The following AOPEP variants were observed in gnomAD, a reference collection of about 807,000 sequenced individuals.
AOPEP encodes the protein aminopeptidase O.
In AOPEP, 77 loss-of-function variants were observed where a neutral mutation model predicts 98.1. The ratio of observed to expected loss-of-function variants is 0.78; its 90% CI spans 0.65 to 0.95. The LOEUF (loss-of-function observed/expected upper bound fraction) is 0.95. AOPEP is among the 40% of genes least tolerant of loss of function. AOPEP has a pLI of 0.00. For missense variants in AOPEP, 1,024 were observed against 1,024.7 expected (o/e 1.00, Z 0.01); for synonymous variants, 346 against 365.3 (o/e 0.95, Z 0.60).
Position 94,849,786 on chromosome 9 carries a change from G to A in AOPEP, c.1364+48784G>A, listed in dbSNP as rs544591084. Among the ~76,000 whole-genome samples the A allele has an allele frequency of 2.0e-5, 3 of 152,276 alleles. No homozygotes were observed. The East Asian group carries it at 5.8e-4, about 29-fold the overall frequency. On this transcript the variant is annotated intron_variant, in intron 5 of 16. Transcript: ENST00000375315. The stretch of plus-strand genomic sequence containing the variant: ...GCAGTGGCTCACGCTTGTAATCCCA[G>A]CACTTTGGGAGGCTGAGGTGGGTGG...
At chr9:95,134,485 C>A in the AOPEP span, among the ~76,000 whole-genome samples, 1 of 152,108 alleles carries the variant, frequency 6.6e-6, no homozygotes, top group Non-Finnish European at 1.5e-5. Context: ...TCTCCACTTG[C>A]AGGAAGCAGG....
chr9:94,978,540 A>G (rs980397166), intron 10 of AOPEP, among the ~76,000 whole-genome samples: 8 of 152,134 alleles, frequency 5.3e-5, no homozygotes, highest in African/African-American at 1.9e-4. Context: ...CGTGTGACAG[A>G]TGTTATGGCA....
chr9:95,015,511 G>A (rs1488051164), intron 13 of AOPEP, among the ~76,000 whole-genome samples: 1 of 152,226 alleles, frequency 6.6e-6, no homozygotes, highest in Non-Finnish European at 1.5e-5. Context: ...TGAGTCAGGA[G>A]TAGAGAATAC....
chr9:95,024,942 T>C (rs957651137), intron 13 of AOPEP, among the ~76,000 whole-genome samples: 7 of 151,668 alleles, frequency 4.6e-5, no homozygotes, highest in South Asian at 2.1e-4. Flanking sequence ...CAATGAACTG[T>C]TTTACTTTAT....
At chr9:95,138,828 G>A in the AOPEP span, among the ~76,000 whole-genome samples, 1 of 152,194 alleles carries the variant, frequency 6.6e-6, no homozygotes, top group Non-Finnish European at 1.5e-5. Context: ...TCAAGCACAC[G>A]AGTCACACTC....
chr9:94,995,813 G>T (rs979400022), intron 11 of AOPEP, among the ~76,000 whole-genome samples: 2 of 152,158 alleles, frequency 1.3e-5, no homozygotes, highest in Non-Finnish European at 2.9e-5. Context: ...ATATTAGGAG[G>T]TGTCTAATAA....
chr9:95,013,005 G>A (rs1228393695), intron 13 of AOPEP, among the ~76,000 whole-genome samples: 1 of 141,422 alleles, frequency 7.1e-6, no homozygotes, highest in African/African-American at 2.6e-5. Context: ...GGGGCAGGGC[G>A]ATTATCTCTT....
In AOPEP at chr9:95,012,994, G is replaced by GGGC. The variant is rs1554803949; in HGVS notation, c.2115+7380_2115+7381insCGG. ...GTTTTCCTGTTTTTTTTTTGGGGGG[G>GGGC]GGGGCAGGGCGATTATCTCTTATCT... On this transcript the variant is annotated intron_variant, in intron 13 of 16. Coordinates refer to ENST00000375315, the MANE Select transcript of AOPEP (RefSeq NM_001193329.3). 6.1e-4 allele frequency among the ~76,000 whole-genome samples: 84 copies of GGGC among 137,638 alleles called. 3 individuals are homozygous for GGGC. Among genetic ancestry groups the GGGC allele is most frequent in the Non-Finnish European group, 7.4e-4 (47 of 63,352 alleles). The allele number at this position is 137,638 out of a possible 152,430, so 90.3% of individuals were successfully genotyped here. A position where few individuals can be genotyped will look rare whatever the true frequency, so the allele number is the denominator to read the frequency against.
the AOPEP span, among the ~76,000 whole-genome samples, chr9:95,142,775 G>A: frequency 6.6e-6 from 1 of 152,190 alleles, no homozygotes; most frequent in East Asian, 1.9e-4. Flanking sequence ...AGCTGCGAGT[G>A]TTAGAGTGGT....
At chr9:94,847,175 C>G (rs573449556) in intron 5 of AOPEP, among the ~76,000 whole-genome samples, 8 of 145,206 alleles carry the variant, frequency 5.5e-5, no homozygotes, top group African/African-American at 1.7e-4. Flanking sequence ...CTCTCTCTCT[C>G]TCTCTGTCTC....
intron 5 of AOPEP, among the ~76,000 whole-genome samples, chr9:94,915,661 C>G (rs1247645620): frequency 6.6e-6 from 1 of 152,236 alleles, no homozygotes; most frequent in African/African-American, 2.4e-5. Context: ...GGCAGTGCCT[C>G]TGTTGCGCTC....
intron 14 of AOPEP, among the ~76,000 whole-genome samples, chr9:95,072,809 A>T (rs574284100): frequency 6.6e-6 from 1 of 152,332 alleles, no homozygotes; most frequent in African/African-American, 2.4e-5. Context: ...CTGTGTCCCA[A>T]ATCCAAGATG....
chr9:95,124,134 A>T, the AOPEP span, among the ~76,000 whole-genome samples: 1 of 150,654 alleles, frequency 6.6e-6, no homozygotes, highest in Non-Finnish European at 1.5e-5. Context: ...AAAAAAGTAG[A>T]AATATCGGCT....
intron 13 of AOPEP, among the ~76,000 whole-genome samples, chr9:95,058,107 G>T (rs896960491): frequency 6.6e-6 from 1 of 152,198 alleles, no homozygotes; most frequent in Admixed American, 6.5e-5. Flanking sequence ...GAGTTGCTGA[G>T]CTTTCAGCTT....
chr9:94,912,078 G>A (rs7022963), intron 5 of AOPEP, among the ~76,000 whole-genome samples: 146,351 of 152,122 alleles, frequency 0.96, 70,432 homozygotes, highest in Middle Eastern at 0.99. Flanking sequence ...GACCTGACGA[G>A]CTGTAAAATA....
intron 13 of AOPEP, among the ~76,000 whole-genome samples, chr9:95,031,812 T>C (rs1004327184): frequency 1.3e-5 from 2 of 152,204 alleles, no homozygotes; most frequent in African/African-American, 4.8e-5. Context: ...GCGAACACTG[T>C]TTGCTCCTCT....
chr9:94,798,059 A>C (rs1847415245), intron 4 of AOPEP, among the ~76,000 whole-genome samples: 1 of 152,042 alleles, frequency 6.6e-6, no homozygotes, highest in Non-Finnish European at 1.5e-5. Flanking sequence ...CTTTGGTGAG[A>C]CTATGTTAAA....
intron 11 of AOPEP, among the ~76,000 whole-genome samples, chr9:94,994,717 C>T (rs1334693391): frequency 1.3e-5 from 2 of 152,018 alleles, no homozygotes; most frequent in African/African-American, 4.8e-5. Context: ...TTTGGGAGGC[C>T]GAGGTGGGTG....
chr9:94,815,204 T>A (rs906255921), intron 5 of AOPEP, among the ~76,000 whole-genome samples: 1 of 152,146 alleles, frequency 6.6e-6, no homozygotes, highest in African/African-American at 2.4e-5. Flanking sequence ...TAAAGTGGCC[T>A]CAGGGGTGGC....
Sources: gnomAD v4.1 joint callset for allele counts (sites outside exome capture counted in the v4.1 genomes callset) on GRCh38, gnomAD v4.1.1 for gene constraint, MANE v1.5 for transcripts, NCBI Gene and HGNC (gene_info 2026-07-23, HGNC 2026-07-21) for gene names.